Variants in PRKCE observed in about 807,000 individuals in gnomAD.
PRKCE encodes protein kinase C epsilon type.
Under a neutral mutation model 85.4 loss-of-function variants are expected in PRKCE, and 16 were observed. The ratio of observed to expected loss-of-function variants is 0.19; its 90% CI spans 0.13 to 0.28. The LOEUF is 0.28. Ranked by LOEUF, PRKCE falls within the 10% of genes least tolerant of loss-of-function variation. The pLI, the probability that PRKCE is intolerant of heterozygous loss-of-function variation, is 1.00. For missense variants in PRKCE, 573 were observed against 975.2 expected, an observed-to-expected ratio of 0.59 and a Z score of 5.49; for synonymous variants, 388 against 371.5, an observed-to-expected ratio of 1.04 and a Z score of -0.51.
At chr2:46,150,408 A>C (rs1676503667) in intron 12 of PRKCE, among the ~76,000 whole-genome samples, 1 of 152,210 alleles carries the variant, frequency 6.6e-6, no homozygotes, top group Non-Finnish European at 1.5e-5. Context: ...GGGATTCTTC[A>C]GTGGATCTTA....
intron 1 of PRKCE, among the ~76,000 whole-genome samples, chr2:45,688,584 G>C (rs941128220): frequency 6.6e-6 from 1 of 152,190 alleles, no homozygotes; most frequent in Non-Finnish European, 1.5e-5. Flanking sequence ...TTGAGCATCA[G>C]TCTGGGCTTT....
intron 2 of PRKCE, among the ~76,000 whole-genome samples, chr2:45,971,197 A>G (rs1455648970): frequency 6.6e-6 from 1 of 152,068 alleles, no homozygotes; most frequent in Non-Finnish European, 1.5e-5. Flanking sequence ...GCCCCTGGCC[A>G]CCACCATTCT....
chr2:45,820,819 G>C (rs564201074), intron 1 of PRKCE, among the ~76,000 whole-genome samples: 2 of 152,228 alleles, frequency 1.3e-5, no homozygotes, highest in East Asian at 3.9e-4. Flanking sequence ...GGCCCCAAGA[G>C]ATTGTCCTGG....
chr2:46,030,862 C>G (rs1220097750), intron 10 of PRKCE, among the ~76,000 whole-genome samples: 1 of 152,206 alleles, frequency 6.6e-6, no homozygotes. Flanking sequence ...TGGTCATCCA[C>G]GGAATATTTC....
At chr2:45,912,594 G>A (rs1415421755) in intron 2 of PRKCE, among the ~76,000 whole-genome samples, 1 of 152,142 alleles carries the variant, frequency 6.6e-6, no homozygotes, top group Non-Finnish European at 1.5e-5. Flanking sequence ...AAATAATTCA[G>A]GAGGCTGGAA....
chr2:45,731,360 G>T (rs7574107), intron 1 of PRKCE, among the ~76,000 whole-genome samples: 140 of 152,270 alleles, frequency 9.2e-4, no homozygotes, highest in African/African-American at 3.2e-3. Flanking sequence ...GGCTCATGCA[G>T]GTGTGATGTA....
intron 6 of PRKCE, among the ~76,000 whole-genome samples, chr2:45,995,830 T>C (rs908802767): frequency 6.6e-6 from 1 of 152,206 alleles, no homozygotes; most frequent in African/African-American, 2.4e-5. Flanking sequence ...GTTAGCCTTT[T>C]GCTTGGGTCT....
At chr2:45,701,726 C>G (rs1479633264) in intron 1 of PRKCE, among the ~76,000 whole-genome samples, 1 of 152,202 alleles carries the variant, frequency 6.6e-6, no homozygotes, top group Non-Finnish European at 1.5e-5. Flanking sequence ...CAGAATTTTT[C>G]CTGGTGCTCC....
chr2:45,985,878 C>G (rs1401732767), intron 6 of PRKCE, among the ~76,000 whole-genome samples: 3 of 152,222 alleles, frequency 2.0e-5, no homozygotes, highest in African/African-American at 4.8e-5. Flanking sequence ...GACATTCTCA[C>G]TGACAGTTGG....
chr2:46,043,613 T>C (rs1490456915), intron 10 of PRKCE, among the ~76,000 whole-genome samples: 1 of 152,146 alleles, frequency 6.6e-6, no homozygotes, highest in African/African-American at 2.4e-5. Context: ...GTTGTGTGTT[T>C]GGGCAGTGGG....
chr2:45,761,490 G>A (rs1219213020), intron 1 of PRKCE, among the ~76,000 whole-genome samples: 1 of 152,102 alleles, frequency 6.6e-6, no homozygotes, highest in African/African-American at 2.4e-5. Flanking sequence ...ATGACGTCCA[G>A]AAGTATACAC....
chr2:45,720,890 C>T (rs1408103025), intron 1 of PRKCE, among the ~76,000 whole-genome samples: 1 of 152,006 alleles, frequency 6.6e-6, no homozygotes, highest in Non-Finnish European at 1.5e-5. Flanking sequence ...GGGCAGATCA[C>T]AAGGTCAGGA....
intron 1 of PRKCE, among the ~76,000 whole-genome samples, chr2:45,805,187 A>C (rs1161187493): frequency 6.6e-6 from 1 of 152,210 alleles, no homozygotes; most frequent in Admixed American, 6.5e-5. Context: ...AGACACTATT[A>C]CTACGATTCC....
At position 46,018,391 on chromosome 2, in the gene PRKCE, C is replaced by G. The variant is rs186823145; in HGVS notation, c.1437+7874C>G. Among the ~76,000 whole-genome samples the G allele has an allele frequency of 1.3e-5, 2 of 152,218 alleles. 1 individual carries two copies. The highest frequency in any genetic ancestry group is 4.8e-5 in the African/African-American group (2 of 41,512). On this transcript the variant is annotated intron_variant, in intron 10 of 14. Transcript: ENST00000306156. Reference sequence around the variant, plus strand: ...GAAGCCTCATGGGAGCGTAAAACTGCTGGCCTCTACAGAGGTTACAGTGAG... The same window carrying G: ...GAAGCCTCATGGGAGCGTAAAACTGGTGGCCTCTACAGAGGTTACAGTGAG...
chr2:45,770,760 G>A (rs967529583), intron 1 of PRKCE: 3 of 152,104 alleles, frequency 2.0e-5, no homozygotes, highest in African/African-American at 2.4e-5. Flanking sequence ...CATCTGCAGC[G>A]GATTATTTCT....
intron 10 of PRKCE, among the ~76,000 whole-genome samples, chr2:46,017,420 CAT>C (rs1706260718): frequency 6.6e-6 from 1 of 152,206 alleles, no homozygotes; most frequent in Non-Finnish European, 1.5e-5. Flanking sequence ...ACTATTCTAT[CAT>C]GTGTATAATA....
At chr2:45,965,118 C>T (rs1701647134) in intron 2 of PRKCE, among the ~76,000 whole-genome samples, 1 of 152,174 alleles carries the variant, frequency 6.6e-6, no homozygotes, top group African/African-American at 2.4e-5. Flanking sequence ...TATTGTGTGC[C>T]TCTCTGGGAA....
chr2:46,087,023 G>C (rs181093961), intron 11 of PRKCE, among the ~76,000 whole-genome samples: 2 of 152,252 alleles, frequency 1.3e-5, no homozygotes, highest in African/African-American at 4.8e-5. Context: ...TGTGAGGTCA[G>C]GAATTCTGGG....
chr2:46,016,661 C>A (rs1706177721), intron 10 of PRKCE, among the ~76,000 whole-genome samples: 1 of 152,128 alleles, frequency 6.6e-6, no homozygotes, highest in Non-Finnish European at 1.5e-5. Flanking sequence ...GTAACCCCAG[C>A]ACTTTGGGAG....
Sources: gnomAD v4.1 joint callset for allele counts (sites outside exome capture counted in the v4.1 genomes callset) on GRCh38, gnomAD v4.1.1 for gene constraint, MANE v1.5 for transcripts, NCBI Gene and HGNC (gene_info 2026-07-23, HGNC 2026-07-21) for gene names.